Variants in JPH3 observed in about 807,000 individuals in gnomAD.
JPH3 encodes junctophilin-3.
A neutral mutation model predicts 59.6 loss-of-function variants in JPH3; 11 were observed. That is an observed-to-expected ratio of 0.18 (90% CI 0.12 to 0.31). The LOEUF (loss-of-function observed/expected upper bound fraction) is 0.31. Among genes scored for constraint, JPH3 ranks in the 10% least tolerant of loss-of-function variants. The probability of loss-of-function intolerance (pLI) is 1.00; values close to 1 mark genes in which losing one functional copy is unlikely to be tolerated. For synonymous variants in JPH3, 673 were observed against 483.6 expected (o/e 1.39, Z -5.14); for missense variants, 1,202 against 1,105.7 (o/e 1.09, Z -1.24).
rs1441522944 is a variant in JPH3 at position 87,698,045 on chromosome 16, A to ATGTT, written c.*1387_*1390dup. ...TTATGGACTCTGCCTTGCTTTGCTT[A>ATGTT]TGTTTAGCTGTTTCTCTGCTACCTT... On this transcript the variant is annotated 3_prime_UTR_variant, in exon 5 of 5. Transcript: ENST00000284262. 1.3e-5 allele frequency: 2 copies of ATGTT among 152,624 alleles called. No homozygotes were observed. The highest frequency in any genetic ancestry group is 1.9e-4 in the East Asian group (1 of 5,194). The allele number at this position is 152,624 out of a possible 1,614,324, so 9.5% of individuals were successfully genotyped here.
intron 2 of JPH3, among the ~76,000 whole-genome samples, chr16:87,655,584 C>G (rs182078770): frequency 2.0e-4 from 30 of 152,310 alleles, no homozygotes; most frequent in Admixed American, 1.6e-3. Flanking sequence ...CAACTCCTGG[C>G]CTCAAAAATT....
chr16:87,658,666 TTG>T (rs1243519241), intron 2 of JPH3, among the ~76,000 whole-genome samples: 2 of 151,958 alleles, frequency 1.3e-5, no homozygotes, highest in African/African-American at 4.8e-5. Flanking sequence ...GTGTGGGCAT[TTG>T]TAAAGCAGGA....
chr16:87,614,427 T>G (rs2573121), intron 1 of JPH3, among the ~76,000 whole-genome samples: 1 of 77,560 alleles, frequency 1.3e-5, no homozygotes. Context: ...AGGTCCCTGT[T>G]CACAGGAGGA....
Position 87,696,737 on chromosome 16 carries a change from G to A in JPH3, c.*77G>A, listed in dbSNP as rs2033876657. ...AAATTAAAAGCAAAACCACAAGAAGGGAAAGACCGCAACTCGGACAGCCCA... is the reference window on the plus strand; with the variant it reads ...AAATTAAAAGCAAAACCACAAGAAGAGAAAGACCGCAACTCGGACAGCCCA... On this transcript the variant is annotated 3_prime_UTR_variant, in exon 5 of 5. Transcript: ENST00000284262. The A allele has an allele frequency of 2.4e-6, 3 of 1,230,066 alleles. No homozygotes were observed. The highest frequency in any genetic ancestry group is 1.7e-5 in the Admixed American group (1 of 57,290). The allele number at this position is 1,230,066 out of a possible 1,614,324, so 76.2% of individuals were successfully genotyped here.
intron 4 of JPH3, chr16:87,695,472 G>T: frequency 2.2e-6 from 1 of 455,940 alleles, no homozygotes; most frequent in Non-Finnish European, 4.4e-6. Flanking sequence ...GCTCTGAACA[G>T]CTCCTTACCA....
intron 1 of JPH3, among the ~76,000 whole-genome samples, chr16:87,618,265 A>G (rs756650655): frequency 1.4e-4 from 21 of 152,214 alleles, no homozygotes; most frequent in Non-Finnish European, 2.9e-4. Context: ...GATGGAGCCT[A>G]GGGGAGCCCC....
chr16:87,658,902 T>C (rs2032601315), intron 2 of JPH3, among the ~76,000 whole-genome samples: 1 of 152,236 alleles, frequency 6.6e-6, no homozygotes, highest in Admixed American at 6.5e-5. Flanking sequence ...GTTAATTATT[T>C]GCCCAGCAGG....
chr16:87,643,700 C>G (rs537361912), intron 1 of JPH3, among the ~76,000 whole-genome samples: 1 of 152,314 alleles, frequency 6.6e-6, no homozygotes, highest in East Asian at 1.9e-4. Context: ...TGATGCCTCC[C>G]TTCTCCCTCC....
rs969448993 is a variant in JPH3 at position 87,611,835 on chromosome 16, C to T, written c.382+8307C>T. On this transcript the variant is annotated intron_variant, in intron 1 of 4. Transcript: ENST00000284262. This position sits in a 1 kb window ranked among gnomAD's most constrained non-coding sequence, Gnocchi z 4.5. The stretch of plus-strand genomic sequence containing the variant: ...GGGACCTCACATTAAGAACCACAGT[C>T]CTGGGCTTGTGCCTCCTAAGCCTGG... 6.6e-6 allele frequency among the ~76,000 whole-genome samples: 1 copy of T among 152,228 alleles called. No individual in the cohort carries two copies. The highest frequency in any genetic ancestry group is 1.5e-5 in the Non-Finnish European group (1 of 68,034).
At chr16:87,633,992 G>A (rs1470734797) in intron 1 of JPH3, among the ~76,000 whole-genome samples, 1 of 152,150 alleles carries the variant, frequency 6.6e-6, no homozygotes, top group Non-Finnish European at 1.5e-5. Flanking sequence ...ACGGAGGAGC[G>A]ACCCGAATAC....
At chr16:87,652,489 G>A (rs909752111) in intron 2 of JPH3, among the ~76,000 whole-genome samples, 3 of 152,146 alleles carry the variant, frequency 2.0e-5, no homozygotes, top group African/African-American at 7.2e-5. Flanking sequence ...TTCGTGACAG[G>A]GTCTTACTCT....
At chr16:87,610,209 A>G (rs2030680346) in intron 1 of JPH3, among the ~76,000 whole-genome samples, 2 of 152,176 alleles carry the variant, frequency 1.3e-5, no homozygotes, top group Non-Finnish European at 2.9e-5. Flanking sequence ...ACGAAGCTTC[A>G]CTTGCTTGCT....
intron 3 of JPH3, among the ~76,000 whole-genome samples, chr16:87,688,404 G>A (rs2033469628): frequency 6.6e-6 from 1 of 152,136 alleles, no homozygotes; most frequent in Non-Finnish European, 1.5e-5. Flanking sequence ...CTTTACAAAC[G>A]GAGGGACTAT....
chr16:87,605,189 G>A (rs1165068797), intron 1 of JPH3, among the ~76,000 whole-genome samples: 3 of 152,176 alleles, frequency 2.0e-5, no homozygotes, highest in Non-Finnish European at 4.4e-5. Context: ...TGTGCAGGCC[G>A]GGCTCACGCA....
chr16:87,688,870 C>A (rs1597292708), intron 3 of JPH3, among the ~76,000 whole-genome samples: 1 of 152,190 alleles, frequency 6.6e-6, no homozygotes, highest in African/African-American at 2.4e-5. Flanking sequence ...AAATGAGATC[C>A]CAGTCAATGT....
chr16:87,676,768 G>A (rs577005107), intron 2 of JPH3, among the ~76,000 whole-genome samples: 2 of 151,892 alleles, frequency 1.3e-5, no homozygotes, highest in African/African-American at 4.8e-5. Flanking sequence ...AGGCACAGTG[G>A]CTCACACCTG....
intron 1 of JPH3, among the ~76,000 whole-genome samples, chr16:87,640,481 C>T (rs2031911118): frequency 6.6e-6 from 1 of 151,886 alleles, no homozygotes; most frequent in African/African-American, 2.4e-5. Flanking sequence ...ACCTCCACCT[C>T]CCAGGTTCAA....
intron 1 of JPH3, 95 bp downstream of exon 1, chr16:87,603,623 C>G (rs1232196107): frequency 2.1e-5 from 30 of 1,417,692 alleles, no homozygotes; most frequent in Non-Finnish European, 2.7e-5. Context: ...GCTGCGTCCT[C>G]CGGTTGGGCC....
At chr16:87,628,519 C>T (rs1481617906) in intron 1 of JPH3, among the ~76,000 whole-genome samples, 1 of 152,226 alleles carries the variant, frequency 6.6e-6, no homozygotes, top group African/African-American at 2.4e-5. Context: ...AAGAATATTC[C>T]TACAGAGTGT....
Sources: gnomAD v4.1 joint callset for allele counts (sites outside exome capture counted in the v4.1 genomes callset) on GRCh38, gnomAD v4.1.1 for gene constraint, Gnocchi (gnomAD v3.1) non-coding constraint, MANE v1.5 for transcripts, NCBI Gene and HGNC (gene_info 2026-07-23, HGNC 2026-07-21) for gene names.